APELA: variants seen among roughly 807,000 people sequenced by gnomAD.
APELA encodes protein Elabela.
At chr4:164,878,173 A>G (rs909074871) in intron 1 of APELA, among the ~76,000 whole-genome samples, 6 of 148,682 alleles carry the variant, frequency 4.0e-5, no homozygotes, top group African/African-American at 1.5e-4. Context: ...AGAAGAGAGA[A>G]AGAAAGAAAG....
At chr4:164,885,988 G>A (rs1432558840) in intron 2 of APELA, among the ~76,000 whole-genome samples, 2 of 151,576 alleles carry the variant, frequency 1.3e-5, no homozygotes, top group Admixed American at 6.6e-5. Flanking sequence ...TCCTCATGAC[G>A]ACCACCCTAA....
chr4:164,897,501 G>A lies in APELA; in HGVS notation c.*2087G>A, dbSNP rs778106993. On this transcript the variant is annotated 3_prime_UTR_variant, in exon 3 of 3. Transcript: ENST00000507152. ...TGAAATGGTTATACATTTCTTAATTGTTCAATAAAACACTCAATGATTTGC... is the reference window on the plus strand; with the variant it reads ...TGAAATGGTTATACATTTCTTAATTATTCAATAAAACACTCAATGATTTGC... 26 of 152,096 alleles carry A rather than the reference G, an allele frequency of 1.7e-4. No homozygotes were observed. Among genetic ancestry groups the A allele is most frequent in the African/African-American group, 2.4e-5 (1 of 41,408 alleles). The allele number at this position is 152,096 out of a possible 1,614,324, so 9.4% of individuals were successfully genotyped here.
At position 164,877,339 on chromosome 4, in the gene APELA, T is replaced by C. The variant is rs1730574273; in HGVS notation, c.8T>C (p.Phe3Ser). MR[F>S]QQFLFAFFIF... ...CTTTTGTGCGGTAGGAAAATGAGAT[T>C]TCAGCAATTCCTTTTTGCATTTTTT... is the stretch of plus-strand genomic sequence containing the variant. Residue 3 changes from phenylalanine (F) to serine (S), a missense_variant, in exon 1 of 3, where the codon TTT (phenylalanine) becomes TCT (serine). Physicochemically the swap from Phe to Ser is radical, Grantham distance 155 (BLOSUM62 -2). Coordinates refer to ENST00000507152, the MANE Select transcript of APELA (RefSeq NM_001297550.2). The C allele has an allele frequency of 2.5e-6, 1 of 398,926 alleles. No individual in the cohort carries two copies. The allele number at this position is 398,926 out of a possible 1,614,324, so 24.7% of individuals were successfully genotyped here. A position where few individuals can be genotyped will look rare whatever the true frequency, so the allele number is the denominator to read the frequency against.
At chr4:164,879,490 G>A (rs1730618389) in intron 2 of APELA, among the ~76,000 whole-genome samples, 1 of 151,976 alleles carries the variant, frequency 6.6e-6, no homozygotes, top group Admixed American at 6.6e-5. Context: ...TGTCACCCAG[G>A]CTGGAGTGTA....
At chr4:164,877,533 A>AT (rs1730577094) in intron 1 of APELA, 126 bp downstream of exon 1, 2 of 396,454 alleles carry the variant, frequency 5.0e-6, no homozygotes, top group Non-Finnish European at 8.9e-6. Flanking sequence ...TTGGGGATAA[A>AT]TGTGTAGGAT....
chr4:164,883,268 T>C (rs1202047079), intron 2 of APELA, among the ~76,000 whole-genome samples: 1 of 152,180 alleles, frequency 6.6e-6, no homozygotes, highest in Non-Finnish European at 1.5e-5. Context: ...TGGGAAGAAC[T>C]CTTCTGCACT....
Position 164,896,366 on chromosome 4 carries a change from A to T in APELA, c.*952A>T, listed in dbSNP as rs1730976650. 1 of 152,230 alleles carries T rather than the reference A, an allele frequency of 6.6e-6. No individual in the cohort carries two copies. The highest frequency in any genetic ancestry group is 6.5e-5 in the Admixed American group (1 of 15,274). 9.4% of individuals were successfully genotyped at this position (152,230 alleles called of 1,614,324 possible). A position where few individuals can be genotyped will look rare whatever the true frequency, so the allele number is the denominator to read the frequency against. On this transcript the variant is annotated 3_prime_UTR_variant, in exon 3 of 3. Coordinates refer to ENST00000507152, the MANE Select transcript of APELA (RefSeq NM_001297550.2). The stretch of plus-strand genomic sequence containing the variant: ...TTTTAACCTTTCTCATCATGTAATT[A>T]TAGGAACCCAACGTTTGATTTCCTT...
chr4:164,887,546 A>G (rs1730797488), intron 2 of APELA, among the ~76,000 whole-genome samples: 1 of 152,018 alleles, frequency 6.6e-6, no homozygotes, highest in Admixed American at 6.5e-5. Flanking sequence ...CTGATTCATT[A>G]TTTTGTATTC....
At chr4:164,881,896 A>C (rs1476482783) in intron 2 of APELA, among the ~76,000 whole-genome samples, 1 of 149,540 alleles carries the variant, frequency 6.7e-6, no homozygotes, top group Non-Finnish European at 1.5e-5. Flanking sequence ...AAAGTTAGCC[A>C]GGCATGGTGG....
At chr4:164,887,214 A>G (rs17487079) in intron 2 of APELA, among the ~76,000 whole-genome samples, 2,295 of 152,236 alleles carry the variant, frequency 0.015, 31 homozygotes, top group Middle Eastern at 0.024. Flanking sequence ...GCTCTCTACC[A>G]TGTTGTTCAG....
chr4:164,888,530 A>G (rs2111062601), intron 2 of APELA, among the ~76,000 whole-genome samples: 1 of 152,352 alleles, frequency 6.6e-6, no homozygotes. Flanking sequence ...CAGCTGCTGC[A>G]GAGGTTGTGA....
intron 2 of APELA, among the ~76,000 whole-genome samples, chr4:164,886,540 A>G (rs28430890): frequency 0.064 from 9,685 of 151,986 alleles, 402 homozygotes; most frequent in African/African-American, 0.12. Context: ...CCAGCTACTC[A>G]GGAGGCTGAG....
At position 164,896,203 on chromosome 4, in the gene APELA, C is replaced by T. The variant is rs1730972514; in HGVS notation, c.*789C>T. On this transcript the variant is annotated 3_prime_UTR_variant, in exon 3 of 3. Transcript: ENST00000507152. Reference sequence around the variant, plus strand: ...CCACCTCCCGAGTTCAAGTGATTCTCGTGCCTCAACCTCCCAATTATAGGC... The same window carrying T: ...CCACCTCCCGAGTTCAAGTGATTCTTGTGCCTCAACCTCCCAATTATAGGC... The T allele has an allele frequency of 6.6e-6, 1 of 152,154 alleles. No individual in the cohort carries two copies. The allele number at this position is 152,154 out of a possible 1,614,324, so 9.4% of individuals were successfully genotyped here.
rs528550264 is a variant in APELA at position 164,891,983 on chromosome 4, G to A, written c.*2-3433G>A. ...AATGTTGTTATTATGAAGGGAGGAT[G>A]TTTGTTTTGGTCACCTTCTTTTTCT... is the stretch of plus-strand genomic sequence containing the variant. On this transcript the variant is annotated intron_variant, in intron 2 of 2. Coordinates refer to ENST00000507152, the MANE Select transcript of APELA (RefSeq NM_001297550.2). 5.9e-5 allele frequency among the ~76,000 whole-genome samples: 9 copies of A among 152,212 alleles called. No individual in the cohort carries two copies. In the South Asian group the frequency reaches 1.9e-3, roughly 32 times the overall value.
intron 2 of APELA, among the ~76,000 whole-genome samples, chr4:164,887,155 C>A (rs1560859345): frequency 6.6e-6 from 1 of 152,178 alleles, no homozygotes; most frequent in South Asian, 2.1e-4. Context: ...AAACTGATTT[C>A]TCCTTACAAA....
intron 1 of APELA, among the ~76,000 whole-genome samples, chr4:164,877,676 A>G (rs548117681): frequency 6.6e-6 from 1 of 152,342 alleles, no homozygotes; most frequent in East Asian, 1.9e-4. Flanking sequence ...GCTATTGCAG[A>G]TTATGTTGTC....
At position 164,896,379 on chromosome 4, in the gene APELA, G is replaced by A. The variant is rs571583374; in HGVS notation, c.*965G>A. 11 of 152,266 alleles carry A rather than the reference G, an allele frequency of 7.2e-5. No homozygotes were observed. The highest frequency in any genetic ancestry group is 1.9e-4 in the East Asian group (1 of 5,194). 9.4% of individuals were successfully genotyped at this position (152,266 alleles called of 1,614,324 possible). Reference sequence around the variant, plus strand: ...CATCATGTAATTATAGGAACCCAACGTTTGATTTCCTTTGAAGTTTTGTTA... The same window carrying A: ...CATCATGTAATTATAGGAACCCAACATTTGATTTCCTTTGAAGTTTTGTTA... On this transcript the variant is annotated 3_prime_UTR_variant, in exon 3 of 3. Transcript: ENST00000507152.
intron 2 of APELA, among the ~76,000 whole-genome samples, chr4:164,885,378 C>A (rs73000192): frequency 6.6e-6 from 1 of 151,814 alleles, no homozygotes. Flanking sequence ...TGATCTGCCC[C>A]CCTCGGCCTC....
chr4:164,878,150 GAA>G (rs1347816707), intron 1 of APELA, among the ~76,000 whole-genome samples: 1 of 130,492 alleles, frequency 7.7e-6, no homozygotes, highest in African/African-American at 3.0e-5. Context: ...AAAAAAGAAA[GAA>G]AAGAGAGAAA....
Sources: gnomAD v4.1 joint callset for allele counts (sites outside exome capture counted in the v4.1 genomes callset) on GRCh38, gnomAD v4.1.1 for gene constraint, MANE v1.5 for transcripts, NCBI Gene and HGNC (gene_info 2026-07-23, HGNC 2026-07-21) for gene names.